The following STXBP4 variants were observed in gnomAD, a reference collection of about 807,000 sequenced individuals.
STXBP4 encodes the protein syntaxin-binding protein 4.
STXBP4 carries 55 observed loss-of-function variants against 76.1 expected under a neutral mutation model. That is an observed-to-expected ratio of 0.72 (90% CI 0.58 to 0.91). The LOEUF is 0.91. Ranked by LOEUF, STXBP4 falls within the 40% of genes least tolerant of loss-of-function variation. The pLI is 0.00. For synonymous variants in STXBP4, 201 were observed against 220.2 expected, an observed-to-expected ratio of 0.91 and a Z score of 0.77; for missense variants, 618 against 636.9, an observed-to-expected ratio of 0.97 and a Z score of 0.32.
chr17:55,053,344 T>C (rs935230277), intron 12 of STXBP4, among the ~76,000 whole-genome samples: 3 of 152,110 alleles, frequency 2.0e-5, no homozygotes, highest in Admixed American at 1.3e-4. Context: ...AAAGTGCATG[T>C]ATATTTATAT....
At chr17:55,104,345 A>G (rs1472552525) in intron 16 of STXBP4, among the ~76,000 whole-genome samples, 1 of 152,136 alleles carries the variant, frequency 6.6e-6, no homozygotes, top group Non-Finnish European at 1.5e-5. Context: ...ATGGGTGTTG[A>G]ATTTTATGGA....
rs1233511828 is a variant in STXBP4, at chr17:55,165,514, G to A, written c.*5603G>A. The A allele has an allele frequency of 1.3e-5, 2 of 152,178 alleles. No homozygotes were observed. Among genetic ancestry groups the A allele is most frequent in the Admixed American group, 6.5e-5 (1 of 15,280 alleles). The allele number at this position is 152,178 out of a possible 1,614,324, so 9.4% of individuals were successfully genotyped here. A position where few individuals can be genotyped will look rare whatever the true frequency, so the allele number is the denominator to read the frequency against. Reference sequence around the variant, plus strand: ...TGAACCCAAAAGGATCACAGGAGTAGCAATAACACCTGCTGGACCTGAATG... The same window carrying A: ...TGAACCCAAAAGGATCACAGGAGTAACAATAACACCTGCTGGACCTGAATG... On this transcript the variant is annotated 3_prime_UTR_variant, in exon 18 of 18. Coordinates refer to ENST00000376352, the MANE Select transcript of STXBP4 (RefSeq NM_178509.6).
chr17:54,997,070 G>C (rs1321453328), intron 4 of STXBP4, among the ~76,000 whole-genome samples: 1 of 152,196 alleles, frequency 6.6e-6, no homozygotes, highest in East Asian at 1.9e-4. Context: ...AATCTAGACT[G>C]TGTGGAAGAG....
intron 8 of STXBP4, among the ~76,000 whole-genome samples, chr17:55,012,818 A>C (rs2144577762): frequency 6.6e-6 from 1 of 152,278 alleles, no homozygotes; most frequent in South Asian, 2.1e-4. Context: ...ATACAAGTTG[A>C]GGTCAGGATC....
chr17:55,045,100 G>T (rs977764357), intron 11 of STXBP4, among the ~76,000 whole-genome samples: 1 of 151,974 alleles, frequency 6.6e-6, no homozygotes, highest in Non-Finnish European at 1.5e-5. Flanking sequence ...AAATATAATT[G>T]CTTTATTAAA....
the STXBP4 span, among the ~76,000 whole-genome samples, chr17:55,213,115 AGATGC>A: frequency 8.5e-5 from 13 of 152,312 alleles, no homozygotes; most frequent in East Asian, 2.5e-3. Flanking sequence ...AGCAGAGAGT[AGATGC>A]GGTGGTTGGG....
intron 10 of STXBP4, among the ~76,000 whole-genome samples, chr17:55,039,692 A>G (rs150788929): frequency 5.9e-4 from 90 of 152,214 alleles, no homozygotes; most frequent in Admixed American, 9.8e-4. Flanking sequence ...TGTCATCAGT[A>G]GGACTTGCTG....
At chr17:55,022,043 A>T (rs571150400) in intron 8 of STXBP4, among the ~76,000 whole-genome samples, 1 of 151,410 alleles carries the variant, frequency 6.6e-6, no homozygotes, top group Non-Finnish European at 1.5e-5. Context: ...TTAATAACAC[A>T]TGATATATTT....
intron 8 of STXBP4, among the ~76,000 whole-genome samples, chr17:55,014,995 A>G (rs1004907651): frequency 6.6e-6 from 1 of 152,062 alleles, no homozygotes; most frequent in Non-Finnish European, 1.5e-5. Flanking sequence ...GCCAAGTTCA[A>G]TAGGGTTTCT....
intron 1 of STXBP4, among the ~76,000 whole-genome samples, chr17:54,980,582 TC>T (rs1243972794): frequency 6.6e-6 from 1 of 152,254 alleles, no homozygotes. Context: ...AGGTTTTCCA[TC>T]GTTTCCTTGG....
intron 4 of STXBP4, among the ~76,000 whole-genome samples, chr17:54,998,842 ATT>A (rs34718481): frequency 2.0e-5 from 3 of 150,634 alleles, no homozygotes; most frequent in East Asian, 3.9e-4. Context: ...TGAAAATTTA[ATT>A]TTTTTTTTTT....
intron 12 of STXBP4, among the ~76,000 whole-genome samples, chr17:55,052,038 C>T (rs2078866018): frequency 6.6e-6 from 1 of 151,998 alleles, no homozygotes; most frequent in Non-Finnish European, 1.5e-5. Flanking sequence ...CATCATAAGT[C>T]AGGGACTATC....
chr17:55,121,507 T>C (rs1311658693), intron 16 of STXBP4, among the ~76,000 whole-genome samples: 1 of 152,200 alleles, frequency 6.6e-6, no homozygotes, highest in African/African-American at 2.4e-5. Context: ...TACCCAATTG[T>C]GCTGATACCC....
chr17:55,201,798 A>G, the STXBP4 span, among the ~76,000 whole-genome samples: 1 of 152,232 alleles, frequency 6.6e-6, no homozygotes, highest in African/African-American at 2.4e-5. Context: ...GCAGAGAACT[A>G]TGCTCCACGA....
intron 1 of STXBP4, among the ~76,000 whole-genome samples, chr17:54,985,256 A>G (rs1045280647): frequency 6.6e-6 from 1 of 152,188 alleles, no homozygotes; most frequent in Non-Finnish European, 1.5e-5. Flanking sequence ...CAAAATTTCA[A>G]ATGAGAACCC....
At chr17:55,190,562 A>C in the STXBP4 span, among the ~76,000 whole-genome samples, 1 of 152,218 alleles carries the variant, frequency 6.6e-6, no homozygotes, top group Non-Finnish European at 1.5e-5. Context: ...CCAAGGCCTC[A>C]AACCCCACAG....
intron 3 of STXBP4, among the ~76,000 whole-genome samples, chr17:54,990,525 C>A (rs931607423): frequency 2.6e-5 from 4 of 152,064 alleles, no homozygotes; most frequent in Non-Finnish European, 5.9e-5. Context: ...GCTCAGGGCT[C>A]CCCCTGATTC....
At chr17:55,030,764 T>A (rs1400835500) in intron 8 of STXBP4, 1 of 156,196 alleles carries the variant, frequency 6.4e-6, no homozygotes, top group Non-Finnish European at 1.4e-5. Flanking sequence ...TGAACCTAAT[T>A]CCTATCAACT....
intron 4 of STXBP4, among the ~76,000 whole-genome samples, chr17:54,993,170 TTTTC>T (rs1164359536): frequency 6.6e-6 from 1 of 152,232 alleles, no homozygotes; most frequent in Non-Finnish European, 1.5e-5. Context: ...GATATCTACT[TTTTC>T]TTGTTAGAAT....
Sources: gnomAD v4.1 joint callset for allele counts (sites outside exome capture counted in the v4.1 genomes callset) on GRCh38, gnomAD v4.1.1 for gene constraint, MANE v1.5 for transcripts, NCBI Gene and HGNC (gene_info 2026-07-23, HGNC 2026-07-21) for gene names.